Variants in CBLB observed in about 807,000 individuals in gnomAD.
The protein encoded by CBLB is E3 ubiquitin-protein ligase CBL-B.
In CBLB, 31 loss-of-function variants were observed where a neutral mutation model predicts 104.9. That is an observed-to-expected ratio of 0.30 (90% CI 0.22 to 0.40). CBLB has a LOEUF of 0.40. Ranked by LOEUF, CBLB falls within the 10% of genes least tolerant of loss-of-function variation. The pLI is 1.00. For synonymous variants in CBLB, 440 were observed against 422.6 expected, an observed-to-expected ratio of 1.04 and a Z score of -0.51; for missense variants, 1,062 against 1,214.6, an observed-to-expected ratio of 0.87 and a Z score of 1.87.
chr3:105,778,130 T>C (rs1560197610), intron 3 of CBLB, among the ~76,000 whole-genome samples: 3 of 151,918 alleles, frequency 2.0e-5, no homozygotes. Context: ...TGTGTGTGCA[T>C]GTGTGTGTAT....
At chr3:105,756,420 G>C (rs759788157) in intron 4 of CBLB, among the ~76,000 whole-genome samples, 1 of 152,012 alleles carries the variant, frequency 6.6e-6, no homozygotes, top group Non-Finnish European at 1.5e-5. Context: ...GCTAACAATA[G>C]ATGAGCAAGG....
chr3:105,676,174 A>G (rs2065621253), intron 17 of CBLB, among the ~76,000 whole-genome samples: 1 of 152,098 alleles, frequency 6.6e-6, no homozygotes, highest in South Asian at 2.1e-4. Flanking sequence ...CTGGCAGCCA[A>G]GCAAACACAA....
chr3:105,775,024 A>G (rs1454610044), intron 4 of CBLB, among the ~76,000 whole-genome samples: 1 of 152,170 alleles, frequency 6.6e-6, no homozygotes, highest in Non-Finnish European at 1.5e-5. Flanking sequence ...TGCTTTCTAC[A>G]ATTAATAAAT....
chr3:105,753,949 T>C (rs1327493609), intron 4 of CBLB, among the ~76,000 whole-genome samples: 1 of 152,140 alleles, frequency 6.6e-6, no homozygotes, highest in African/African-American at 2.4e-5. Flanking sequence ...AAATGAAACT[T>C]TGTCAGATTA....
intron 3 of CBLB, among the ~76,000 whole-genome samples, chr3:105,838,484 T>C (rs9849737): frequency 0.011 from 1,731 of 151,574 alleles, 28 homozygotes; most frequent in African/African-American, 0.04. Context: ...ATGCCAGTAA[T>C]AAGAAAGAAT....
intron 3 of CBLB, among the ~76,000 whole-genome samples, chr3:105,851,377 G>A (rs184588131): frequency 1.3e-4 from 20 of 152,116 alleles, no homozygotes; most frequent in African/African-American, 4.6e-4. Flanking sequence ...ATGGGTTCAG[G>A]GGGGGAAGTG....
chr3:105,718,941 T>G (rs1051159658), intron 10 of CBLB, among the ~76,000 whole-genome samples: 14 of 152,220 alleles, frequency 9.2e-5, no homozygotes, highest in African/African-American at 3.1e-4. Flanking sequence ...GGTCTGTAAA[T>G]TAATCAGTTG....
intron 17 of CBLB, chr3:105,674,016 G>A (rs575826913): frequency 1.1e-4 from 17 of 152,296 alleles, no homozygotes; most frequent in African/African-American, 3.9e-4. Flanking sequence ...CACCAGGAAG[G>A]CTTGTGACCA....
intron 3 of CBLB, among the ~76,000 whole-genome samples, chr3:105,820,856 T>C (rs559827930): frequency 2.2e-4 from 33 of 152,196 alleles, no homozygotes; most frequent in Non-Finnish European, 4.7e-4. Context: ...GTTCGTTCTC[T>C]ATTTCTGTTT....
chr3:105,869,169 C>A (rs948842409), upstream of CBLB: 7 of 585,022 alleles, frequency 1.2e-5, no homozygotes, highest in South Asian at 1.2e-4. Flanking sequence ...CGCTGCCGCC[C>A]CGTCCACGTC....
At chr3:105,839,078 A>C (rs2089123714) in intron 3 of CBLB, among the ~76,000 whole-genome samples, 1 of 152,208 alleles carries the variant, frequency 6.6e-6, no homozygotes, top group African/African-American at 2.4e-5. Context: ...AATTTGACTC[A>C]TGTGGATTCT....
rs542212009 is a variant in CBLB, at chr3:105,685,526, G to T, written c.2055-60C>A. ...CATAATATTCAAAACAGGCAAGTCT[G>T]ATGTGACATATTCAAGTCAAAGAAG... On this transcript the variant is annotated intron_variant, in intron 13 of 18. Coordinates refer to ENST00000394030, the MANE Select transcript of CBLB (RefSeq NM_170662.5). 2.2e-6 allele frequency: 3 copies of T among 1,361,650 alleles called. No homozygotes were observed. In the East Asian group the frequency reaches 7.1e-5, roughly 32 times the overall value. The allele number at this position is 1,361,650 out of a possible 1,614,324, so 84.3% of individuals were successfully genotyped here.
intron 3 of CBLB, among the ~76,000 whole-genome samples, chr3:105,797,069 C>A (rs1196261434): frequency 6.6e-6 from 1 of 152,152 alleles, no homozygotes; most frequent in East Asian, 1.9e-4. Flanking sequence ...TTCCACCCAG[C>A]AATTCCATTA....
intron 3 of CBLB, among the ~76,000 whole-genome samples, chr3:105,801,151 G>A (rs1348954827): frequency 6.6e-6 from 1 of 152,124 alleles, no homozygotes; most frequent in Non-Finnish European, 1.5e-5. Flanking sequence ...CTTACTGTGG[G>A]CTGAAATATT....
chr3:105,657,513 T>G lies in CBLB; in HGVS notation c.*1457A>C, dbSNP rs2063426539. The G allele has an allele frequency of 4.8e-6, 1 of 208,364 alleles. No individual in the cohort carries two copies. The highest frequency in any genetic ancestry group is 1.9e-4 in the South Asian group (1 of 5,308). The allele number at this position is 208,364 out of a possible 1,614,324, so 12.9% of individuals were successfully genotyped here. A position where few individuals can be genotyped will look rare whatever the true frequency, so the allele number is the denominator to read the frequency against. On this transcript the variant is annotated 3_prime_UTR_variant, in exon 19 of 19. Coordinates refer to ENST00000394030, the MANE Select transcript of CBLB (RefSeq NM_170662.5). ...TGGGGGAAACCTTCCAGGCTTTGTC[T>G]ATCAGACAGACTTTGTCATAAAAAA...
chr3:105,843,918 G>A (rs1241846272), intron 3 of CBLB, among the ~76,000 whole-genome samples: 8 of 152,130 alleles, frequency 5.3e-5, no homozygotes, highest in African/African-American at 1.9e-4. Flanking sequence ...ACTGAATGGT[G>A]TCCCCTAAAA....
chr3:105,807,440 A>T (rs972162277), intron 3 of CBLB, among the ~76,000 whole-genome samples: 10 of 152,188 alleles, frequency 6.6e-5, no homozygotes, highest in African/African-American at 2.4e-4. Flanking sequence ...CTAGCAATAT[A>T]ATCTTGAAAA....
intron 3 of CBLB, among the ~76,000 whole-genome samples, chr3:105,849,312 G>A (rs1244427422): frequency 6.6e-6 from 1 of 152,088 alleles, no homozygotes; most frequent in Middle Eastern, 3.2e-3. Context: ...ACAGAACATT[G>A]TCAGTAAACA....
chr3:105,869,394 GC>G, upstream of CBLB: 1 of 1,340,704 alleles, frequency 7.5e-7, no homozygotes, highest in Middle Eastern at 2.0e-4. Flanking sequence ...GCCATCTGGG[GC>G]TGAAAGGCGG....
Sources: allele counts gnomAD v4.1 joint callset (sites outside exome capture counted in the v4.1 genomes callset), GRCh38; gene constraint gnomAD v4.1.1; transcripts MANE v1.5; gene names NCBI Gene and HGNC (gene_info 2026-07-23, HGNC 2026-07-21).